Variants in PLXNA4 observed in about 807,000 individuals in gnomAD.
PLXNA4 encodes plexin-A4.
Under a neutral mutation model 191.8 loss-of-function variants are expected in PLXNA4, and 44 were observed. The ratio of observed to expected loss-of-function variants is 0.23; its 90% confidence interval spans 0.18 to 0.29. PLXNA4 has a LOEUF of 0.29. PLXNA4 is among the 10% of genes least tolerant of loss of function. PLXNA4 has a pLI of 1.00. For missense variants in PLXNA4, 1,800 were observed against 2,488.8 expected (o/e 0.72, Z 5.89); for synonymous variants, 1,082 against 1,009.5 (o/e 1.07, Z -1.36).
intron 2 of PLXNA4, among the ~76,000 whole-genome samples, chr7:132,498,537 C>T (rs1053866790): frequency 1.3e-5 from 2 of 152,292 alleles, no homozygotes; most frequent in Admixed American, 6.5e-5. Flanking sequence ...TCAATTACCT[C>T]CCACCAGGTC....
intron 1 of PLXNA4, among the ~76,000 whole-genome samples, chr7:132,562,995 C>CTCCTCCTTCTCCTCCTCT (rs1801352139): frequency 8.6e-6 from 1 of 116,426 alleles, no homozygotes; most frequent in African/African-American, 3.5e-5. Context: ...TCTCCTCCTC[C>CTCCTCCTTCTCCTCCTCT]TCCTCCTTCT....
chr7:132,487,985 T>C (rs1655739767), intron 3 of PLXNA4, among the ~76,000 whole-genome samples: 1 of 152,358 alleles, frequency 6.6e-6, no homozygotes, highest in African/African-American at 2.4e-5. Context: ...TGCTGTTTTT[T>C]AGTTGTGACA....
At chr7:132,249,620 GA>G (rs763834151) in intron 4 of PLXNA4, among the ~76,000 whole-genome samples, 3 of 152,232 alleles carry the variant, frequency 2.0e-5, no homozygotes, top group Non-Finnish European at 4.4e-5. Flanking sequence ...TGCACAGATG[GA>G]AAAGCCATAG....
chr7:132,239,301 A>C (rs932242158), intron 5 of PLXNA4, among the ~76,000 whole-genome samples: 1 of 152,174 alleles, frequency 6.6e-6, no homozygotes, highest in South Asian at 2.1e-4. Flanking sequence ...GGGTTCTCAC[A>C]GTCTCTCTGG....
chr7:132,648,023 TCA>T (rs565547142), intron 1 of PLXNA4, among the ~76,000 whole-genome samples: 1,704 of 150,862 alleles, frequency 0.011, 12 homozygotes, highest in Non-Finnish European at 0.018. Context: ...ACACATATAC[TCA>T]CACACACACA....
At chr7:132,441,995 C>G (rs1439807469) in intron 3 of PLXNA4, among the ~76,000 whole-genome samples, 1 of 152,200 alleles carries the variant, frequency 6.6e-6, no homozygotes, top group Admixed American at 6.5e-5. Context: ...AGTGACACTC[C>G]TGACCTCAAA....
chr7:132,613,048 T>A (rs1180249660), intron 2 of PLXNA4, among the ~76,000 whole-genome samples: 1 of 152,064 alleles, frequency 6.6e-6, no homozygotes, highest in Non-Finnish European at 1.5e-5. Context: ...ACCAGTGTAG[T>A]CCTTGACGCT....
At chr7:132,475,299 C>T (rs1179095600) in intron 3 of PLXNA4, among the ~76,000 whole-genome samples, 7 of 152,108 alleles carry the variant, frequency 4.6e-5, no homozygotes, top group African/African-American at 1.7e-4. Flanking sequence ...CATTGATTTC[C>T]CATTTTCAAG....
intron 3 of PLXNA4, among the ~76,000 whole-genome samples, chr7:132,390,729 CCTT>C (rs958234258): frequency 5.3e-5 from 8 of 152,102 alleles, no homozygotes; most frequent in Admixed American, 6.5e-5. Context: ...CAACCACTCT[CCTT>C]CTTGTTTCCT....
chr7:132,401,655 G>C (rs1793989796), intron 3 of PLXNA4, among the ~76,000 whole-genome samples: 1 of 152,190 alleles, frequency 6.6e-6, no homozygotes, highest in South Asian at 2.1e-4. Context: ...GGACGGGAAA[G>C]GGCCCTCTAA....
rs554540243 is a variant in PLXNA4 at position 132,387,280 on chromosome 7, C to T, written c.1372-89058G>A. On this transcript the variant is annotated intron_variant, in intron 3 of 31. Transcript: ENST00000321063. ...AGAATCTGCCTTTGCATAAAATTCCCAGGCAATTTGTATGCATGTGAAAGT... is the reference window on the plus strand; with the variant it reads ...AGAATCTGCCTTTGCATAAAATTCCTAGGCAATTTGTATGCATGTGAAAGT... 1.5e-3 allele frequency among the ~76,000 whole-genome samples: 222 copies of T among 152,342 alleles called. 6 individuals are homozygous for T. In the South Asian group the frequency reaches 0.042, roughly 29 times the overall value.
At chr7:132,563,129 C>G (rs1180055407) in intron 1 of PLXNA4, among the ~76,000 whole-genome samples, 1 of 103,704 alleles carries the variant, frequency 9.6e-6, no homozygotes, top group African/African-American at 3.7e-5. Context: ...TCCTTCTCCT[C>G]CTCCTCCTTC....
intron 3 of PLXNA4, chr7:132,484,846 G>A (rs1797483133): frequency 3.1e-6 from 5 of 1,614,060 alleles, no homozygotes; most frequent in South Asian, 1.1e-5. Flanking sequence ...CATTTAGGAA[G>A]CAACAAAGCA....
intron 2 of PLXNA4, among the ~76,000 whole-genome samples, chr7:132,492,155 G>T (rs1186791106): frequency 6.6e-6 from 1 of 152,138 alleles, no homozygotes; most frequent in African/African-American, 2.4e-5. Context: ...TGTTCACACT[G>T]CACAGGGTGG....
At chr7:132,534,452 G>T (rs2342514) in intron 1 of PLXNA4, among the ~76,000 whole-genome samples, 6,920 of 152,214 alleles carry the variant, frequency 0.045, 480 homozygotes, top group East Asian at 0.24. Flanking sequence ...CTACCCTGGC[G>T]TCCACATATC....
chr7:132,311,181 TGTGTGTGTGTGTGC>T (rs1563027446), intron 3 of PLXNA4, among the ~76,000 whole-genome samples: 1 of 135,228 alleles, frequency 7.4e-6, no homozygotes, highest in African/African-American at 2.8e-5. Flanking sequence ...TGTGTGTGTG[TGTGTGTGTGTGTGC>T]GCGTGTGGCC....
At chr7:132,454,205 C>T (rs2117318561) in intron 3 of PLXNA4, among the ~76,000 whole-genome samples, 1 of 152,310 alleles carries the variant, frequency 6.6e-6, no homozygotes, top group Non-Finnish European at 1.5e-5. Flanking sequence ...TTCTTTCATC[C>T]AATCTTCACA....
At chr7:132,287,729 G>A (rs1483364712) in intron 4 of PLXNA4, among the ~76,000 whole-genome samples, 2 of 152,182 alleles carry the variant, frequency 1.3e-5, no homozygotes, top group Non-Finnish European at 2.9e-5. Flanking sequence ...AACAGTGGGG[G>A]TGGTGGGCTG....
chr7:132,154,228 A>T (rs1795728251), intron 25 of PLXNA4, among the ~76,000 whole-genome samples: 1 of 152,138 alleles, frequency 6.6e-6, no homozygotes, highest in Non-Finnish European at 1.5e-5. Context: ...CACGCCTGTC[A>T]GCAGGTGAAA....
Sources: gnomAD v4.1 joint callset for allele counts (sites outside exome capture counted in the v4.1 genomes callset) on GRCh38, gnomAD v4.1.1 for gene constraint, MANE v1.5 for transcripts, NCBI Gene and HGNC (gene_info 2026-07-23, HGNC 2026-07-21) for gene names.